The following WWP2 variants were observed in gnomAD, a reference collection of about 807,000 sequenced individuals.
WWP2 encodes WW domain containing E3 ubiquitin protein ligase 2.
In WWP2, 57 loss-of-function variants were observed where a neutral mutation model predicts 121.0. The observed-to-expected ratio is 0.47, with a 90% CI of 0.38 to 0.59. The LOEUF is 0.59. Ranked by LOEUF, WWP2 falls within the 20% of genes least tolerant of loss-of-function variation. The pLI, the probability that WWP2 is intolerant of heterozygous loss-of-function variation, is 0.00. For missense variants in WWP2, 962 were observed against 1,158.9 expected (o/e 0.83, Z 2.47); for synonymous variants, 449 against 441.3 (o/e 1.02, Z -0.22).
chr16:69,890,221 T>C (rs2058001799), intron 8 of WWP2, among the ~76,000 whole-genome samples: 1 of 151,976 alleles, frequency 6.6e-6, no homozygotes, highest in African/African-American at 2.4e-5. Flanking sequence ...AAATCTTTTA[T>C]CGGAAGGCAC....
Position 69,908,851 on chromosome 16 carries a change from G to A in WWP2, c.1004+1G>A, listed in dbSNP as rs777476848. The A allele has an allele frequency of 6.2e-7, 1 of 1,614,198 alleles. No homozygotes were observed. The highest frequency in any genetic ancestry group is 8.5e-7 in the Non-Finnish European group (1 of 1,180,026). On this transcript the variant is annotated splice_donor_variant, in intron 9 of 23. Transcript: ENST00000359154. LOFTEE classifies it high-confidence loss of function. Reference sequence around the variant, plus strand: ...CCTGGGAGCGGCCCCTTCCTCCAGGGTAGGTCATCAACTGAGAAGACCTGA... The same window carrying A: ...CCTGGGAGCGGCCCCTTCCTCCAGGATAGGTCATCAACTGAGAAGACCTGA...
chr16:69,771,436 G>A (rs1479818543), intron 1 of WWP2, among the ~76,000 whole-genome samples: 16 of 152,040 alleles, frequency 1.1e-4, no homozygotes, highest in African/African-American at 3.6e-4. Context: ...TAGTAGAGAC[G>A]GGGTTTCCCC....
intron 7 of WWP2, among the ~76,000 whole-genome samples, chr16:69,886,321 C>T (rs1401755312): frequency 1.3e-5 from 2 of 152,156 alleles, no homozygotes; most frequent in Admixed American, 6.5e-5. Context: ...AAGCAATCCT[C>T]CTGCTTCAGG....
chr16:69,867,784 A>G (rs1311904661), intron 6 of WWP2, among the ~76,000 whole-genome samples: 1 of 152,196 alleles, frequency 6.6e-6, no homozygotes, highest in South Asian at 2.1e-4. Context: ...CCTGACTGGC[A>G]CTGCCATTCT....
intron 6 of WWP2, among the ~76,000 whole-genome samples, chr16:69,857,612 C>G (rs940670673): frequency 6.9e-6 from 1 of 144,234 alleles, no homozygotes; most frequent in African/African-American, 2.6e-5. Context: ...TTTGGGTCTA[C>G]TTTGTGTGTT....
chr16:69,913,806 A>T (rs1279278025), intron 9 of WWP2, among the ~76,000 whole-genome samples: 1 of 152,068 alleles, frequency 6.6e-6, no homozygotes, highest in African/African-American at 2.4e-5. Context: ...ATGGTGGCTC[A>T]CGCATGTAAT....
chr16:69,786,634 A>G (rs2055798209), intron 1 of WWP2, among the ~76,000 whole-genome samples: 1 of 151,140 alleles, frequency 6.6e-6, no homozygotes, highest in Admixed American at 6.6e-5. Flanking sequence ...ATTTTTTAGT[A>G]GAGACGGGGT....
chr16:69,917,563 C>A (rs1350344942), intron 9 of WWP2, 146 bp from the exon 10 acceptor site: 2 of 868,104 alleles, frequency 2.3e-6, no homozygotes, highest in African/African-American at 1.7e-5. Flanking sequence ...GCAGAGGCAA[C>A]CACAGATGTC....
At chr16:69,830,044 T>C (rs2056766946) in intron 4 of WWP2, among the ~76,000 whole-genome samples, 1 of 151,688 alleles carries the variant, frequency 6.6e-6, no homozygotes, top group Non-Finnish European at 1.5e-5. Context: ...AGCGTTCGCC[T>C]CCTGGATTCA....
intron 4 of WWP2, chr16:69,828,040 A>G: frequency 7.6e-6 from 3 of 396,686 alleles, no homozygotes; most frequent in South Asian, 5.7e-5. Flanking sequence ...GTAATGGGTA[A>G]CTGGTGCTGA....
At position 69,897,829 on chromosome 16, in the gene WWP2, A is replaced by T. The variant is rs781206542; in HGVS notation, c.914+9580A>T. On this transcript the variant is annotated intron_variant, in intron 8 of 23. Coordinates refer to ENST00000359154, the MANE Select transcript of WWP2 (RefSeq NM_001270454.2). ...AGGCTGAGGCAGAAGAATGGTTTGA[A>T]CCAGGGAGGCGGAGGTTACAGTGAG... Among the ~76,000 whole-genome samples the T allele has an allele frequency of 4.3e-4, 66 of 151,858 alleles. 1 individual carries two copies. The highest frequency in any genetic ancestry group is 8.5e-4 in the Non-Finnish European group (58 of 67,938).
chr16:69,890,989 G>A (rs1178400952), intron 8 of WWP2: 10 of 152,238 alleles, frequency 6.6e-5, no homozygotes. Context: ...GTCCAGAGAA[G>A]GGTGTCGGAG....
intron 14 of WWP2, 138 bp from the exon 15 acceptor site, chr16:69,931,371 A>AG: frequency 1.4e-6 from 2 of 1,467,326 alleles, no homozygotes; most frequent in Middle Eastern, 1.8e-4. Flanking sequence ...GGCTGTCTCT[A>AG]GGAAGCTAGT....
At chr16:69,838,651 G>T in intron 4 of WWP2, 1 of 876,320 alleles carries the variant, frequency 1.1e-6, no homozygotes, top group Non-Finnish European at 1.4e-6. Flanking sequence ...GATGGCAAGA[G>T]GTGGCTGGGG....
chr16:69,866,275 TTTA>T (rs1387930426), intron 6 of WWP2, among the ~76,000 whole-genome samples: 16 of 5,666 alleles, frequency 2.8e-3, no homozygotes, highest in Non-Finnish European at 4.2e-3. Flanking sequence ...TCACATTTTA[TTTA>T]TTTATTTATT....
chr16:69,869,308 A>G (rs2057587391), intron 6 of WWP2, among the ~76,000 whole-genome samples: 1 of 150,458 alleles, frequency 6.6e-6, no homozygotes, highest in African/African-American at 2.5e-5. Context: ...GTGTTTAGGT[A>G]TGAGGGACTC....
chr16:69,872,611 T>C (rs2057661590), intron 7 of WWP2, among the ~76,000 whole-genome samples: 1 of 152,238 alleles, frequency 6.6e-6, no homozygotes, highest in South Asian at 2.1e-4. Flanking sequence ...AAGGGAATTA[T>C]CAGACTAAGG....
intron 6 of WWP2, among the ~76,000 whole-genome samples, chr16:69,848,922 G>T (rs1263239601): frequency 6.6e-6 from 1 of 152,150 alleles, no homozygotes. Context: ...GAGCCTCTTA[G>T]ATAGTTTTCT....
intron 10 of WWP2, among the ~76,000 whole-genome samples, chr16:69,921,267 A>G (rs1005179020): frequency 3.3e-5 from 5 of 152,170 alleles, no homozygotes; most frequent in Non-Finnish European, 7.3e-5. Flanking sequence ...CCTGGTTACA[A>G]GTAAGAAGGG....
Sources: allele counts gnomAD v4.1 joint callset (sites outside exome capture counted in the v4.1 genomes callset), GRCh38; gene constraint gnomAD v4.1.1; transcripts MANE v1.5; gene names NCBI Gene and HGNC (gene_info 2026-07-23, HGNC 2026-07-21).